The following CDH12 variants were observed in gnomAD, a reference collection of about 807,000 sequenced individuals.
CDH12 encodes the protein cadherin-12.
Under a neutral mutation model 74.1 loss-of-function variants are expected in CDH12, and 41 were observed. The observed-to-expected ratio is 0.55, with a 90% CI of 0.43 to 0.72. The LOEUF (loss-of-function observed/expected upper bound fraction) is 0.72. CDH12 is among the 30% of genes least tolerant of loss of function. The probability of loss-of-function intolerance (pLI) is 0.00; values close to 1 mark genes in which losing one functional copy is unlikely to be tolerated. For synonymous variants in CDH12, 399 were observed against 355.0 expected (o/e 1.12, Z -1.39); for missense variants, 945 against 977.2 (o/e 0.97, Z 0.44).
At chr5:22,465,075 A>G (rs528936184) in intron 2 of CDH12, among the ~76,000 whole-genome samples, 28 of 151,536 alleles carry the variant, frequency 1.8e-4, no homozygotes, top group Middle Eastern at 6.8e-3. Context: ...AGAGAGAGAG[A>G]GAGAACTCTG....
intron 8 of CDH12, among the ~76,000 whole-genome samples, chr5:21,832,857 T>C (rs1428625976): frequency 1.0e-4 from 3 of 29,780 alleles, no homozygotes; most frequent in African/African-American, 5.5e-4. Context: ...TGATATATGA[T>C]ATATATCATA....
chr5:22,626,144 C>T (rs371322480), intron 1 of CDH12, among the ~76,000 whole-genome samples: 3 of 152,156 alleles, frequency 2.0e-5, no homozygotes, highest in Non-Finnish European at 2.9e-5. Flanking sequence ...CCCTACCCCC[C>T]CCAACATGTG....
intron 5 of CDH12, among the ~76,000 whole-genome samples, chr5:22,017,203 A>G (rs1737661712): frequency 6.6e-6 from 1 of 151,916 alleles, no homozygotes; most frequent in Admixed American, 6.6e-5. Context: ...TTGTCTTTTG[A>G]ACGTTGGCTG....
At chr5:21,906,154 G>T (rs1753631692) in intron 6 of CDH12, among the ~76,000 whole-genome samples, 1 of 151,890 alleles carries the variant, frequency 6.6e-6, no homozygotes. Flanking sequence ...GTAGCTTTAG[G>T]TTTGACGGTG....
At chr5:22,051,655 A>C (rs1352727912) in intron 5 of CDH12, among the ~76,000 whole-genome samples, 1 of 152,180 alleles carries the variant, frequency 6.6e-6, no homozygotes, top group East Asian at 1.9e-4. Context: ...CTACAATAAA[A>C]GAGTCTTTCT....
chr5:22,416,060 C>A (rs1368812510), intron 2 of CDH12, among the ~76,000 whole-genome samples: 3 of 65,122 alleles, frequency 4.6e-5, no homozygotes, highest in African/African-American at 1.4e-4. Flanking sequence ...ACTTGTAGGT[C>A]TTTTTTTTTT....
intron 13 of CDH12, among the ~76,000 whole-genome samples, chr5:21,758,890 T>A (rs570616902): frequency 1.3e-5 from 2 of 152,054 alleles, no homozygotes; most frequent in Admixed American, 6.6e-5. Flanking sequence ...CACCATATAC[T>A]CTTACTTATA....
intron 1 of CDH12, among the ~76,000 whole-genome samples, chr5:22,589,590 C>A (rs896170028): frequency 6.6e-6 from 1 of 152,114 alleles, no homozygotes; most frequent in Non-Finnish European, 1.5e-5. Context: ...CACTCCTTAG[C>A]CTTCTTTTAA....
At chr5:22,127,218 G>A (rs1023055735) in intron 4 of CDH12, among the ~76,000 whole-genome samples, 5 of 152,072 alleles carry the variant, frequency 3.3e-5, no homozygotes, top group Non-Finnish European at 7.4e-5. Flanking sequence ...AAATGGCTGG[G>A]CACGGTGGCT....
intron 3 of CDH12, among the ~76,000 whole-genome samples, chr5:22,298,228 G>C (rs1219681578): frequency 6.6e-6 from 1 of 151,044 alleles, no homozygotes; most frequent in Non-Finnish European, 1.5e-5. Context: ...TATACGCATT[G>C]TATATGCATA....
chr5:22,559,510 G>A (rs999964976), intron 1 of CDH12, among the ~76,000 whole-genome samples: 1 of 151,980 alleles, frequency 6.6e-6, no homozygotes, highest in Non-Finnish European at 1.5e-5. Flanking sequence ...AGCCATTTTG[G>A]AAGAGTGCTA....
chr5:21,882,956 T>C (rs1253122976), intron 6 of CDH12: 1 of 1,600,512 alleles, frequency 6.2e-7, no homozygotes, highest in Middle Eastern at 2.2e-4. Flanking sequence ...TGGCAGGCTC[T>C]ATAGCCAAGG....
chr5:21,835,282 T>TAC (rs1056904197), intron 8 of CDH12, among the ~76,000 whole-genome samples: 6 of 151,906 alleles, frequency 3.9e-5, no homozygotes, highest in Admixed American at 6.6e-5. Context: ...CCTATATATA[T>TAC]ACACACACAC....
intron 1 of CDH12, among the ~76,000 whole-genome samples, chr5:22,724,580 T>C (rs1277219850): frequency 6.6e-6 from 1 of 152,008 alleles, no homozygotes; most frequent in Non-Finnish European, 1.5e-5. Flanking sequence ...TTTTTATGGC[T>C]GAGTAGTATT....
At chr5:22,728,646 G>T (rs191662585) in intron 1 of CDH12, among the ~76,000 whole-genome samples, 1 of 151,994 alleles carries the variant, frequency 6.6e-6, no homozygotes, top group Non-Finnish European at 1.5e-5. Context: ...TTGTGGGAAA[G>T]ATAAATATTT....
At chr5:22,690,684 C>T (rs973592751) in intron 1 of CDH12, among the ~76,000 whole-genome samples, 1 of 152,112 alleles carries the variant, frequency 6.6e-6, no homozygotes, top group Non-Finnish European at 1.5e-5. Flanking sequence ...AATCCCTTAA[C>T]TTTTCTTTTG....
At chr5:21,978,923 T>C (rs573286269) in intron 5 of CDH12, among the ~76,000 whole-genome samples, 16 of 152,132 alleles carry the variant, frequency 1.1e-4, no homozygotes, top group African/African-American at 3.4e-4. Context: ...CTCAAATATG[T>C]CAGCAATGGG....
chr5:22,176,447 A>T (rs1259436708), intron 4 of CDH12, among the ~76,000 whole-genome samples: 3 of 151,828 alleles, frequency 2.0e-5, no homozygotes, highest in Non-Finnish European at 4.4e-5. Flanking sequence ...TTCTCTGCTC[A>T]ATTATCTTCT....
At chr5:21,762,342 T>C (rs967516391) in intron 12 of CDH12, among the ~76,000 whole-genome samples, 2 of 152,120 alleles carry the variant, frequency 1.3e-5, no homozygotes, top group African/African-American at 4.8e-5. Flanking sequence ...TAGCATAATC[T>C]TTCCTCCTTT....
Sources: gnomAD v4.1 joint callset for allele counts (sites outside exome capture counted in the v4.1 genomes callset) on GRCh38, gnomAD v4.1.1 for gene constraint, MANE v1.5 for transcripts, NCBI Gene and HGNC (gene_info 2026-07-23, HGNC 2026-07-21) for gene names.